The following AFAP1 variants were observed in gnomAD, a reference collection of about 807,000 sequenced individuals.
AFAP1 encodes the protein actin filament-associated protein 1.
In AFAP1, 75 loss-of-function variants were observed where a neutral mutation model predicts 93.9. The ratio of observed to expected loss-of-function variants is 0.80; its 90% CI spans 0.66 to 0.97. The LOEUF is 0.97. Among genes scored for constraint, AFAP1 ranks in the 50% least tolerant of loss-of-function variants. AFAP1 has a pLI of 0.00. For missense variants in AFAP1, 1,201 were observed against 1,050.8 expected, an observed-to-expected ratio of 1.14 and a Z score of -1.98; for synonymous variants, 517 against 430.7, an observed-to-expected ratio of 1.20 and a Z score of -2.48.
intron 10 of AFAP1, chr4:7,798,839 A>T: frequency 2.1e-6 from 2 of 943,486 alleles, no homozygotes; most frequent in Middle Eastern, 5.5e-4. Flanking sequence ...CCCCCACCGC[A>T]CCCCGAGCTT....
At chr4:7,779,674 T>A (rs1577196441) in intron 13 of AFAP1, among the ~76,000 whole-genome samples, 2 of 152,324 alleles carry the variant, frequency 1.3e-5, no homozygotes, top group East Asian at 3.9e-4. Context: ...TCTGGCTCTA[T>A]CAATCATTTA....
chr4:7,895,605 C>G (rs960365202), intron 1 of AFAP1, among the ~76,000 whole-genome samples: 12 of 149,476 alleles, frequency 8.0e-5, no homozygotes, highest in African/African-American at 2.4e-4. Context: ...ACAAGTCACT[C>G]GAGTTTTTTA....
At chr4:7,786,063 G>C in intron 12 of AFAP1, 131 bp downstream of exon 12, 1 of 734,060 alleles carries the variant, frequency 1.4e-6, no homozygotes, top group South Asian at 1.8e-5. Flanking sequence ...AGATGAGATG[G>C]AGTCTCCTTG....
chr4:7,838,660 G>A lies in AFAP1; in HGVS notation c.590C>T (p.Pro197Leu). 1.2e-6 allele frequency: 2 copies of A among 1,614,044 alleles called. No homozygotes were observed. The highest frequency in any genetic ancestry group is 1.7e-6 in the Non-Finnish European group (2 of 1,180,010). Residue 197 changes from proline to leucine, a missense_variant, in exon 6 of 18, where the codon CCA becomes CTA. Coordinates refer to ENST00000420658, the MANE Select transcript of AFAP1 (RefSeq NM_001134647.2). ...SKDQQPQMEL[P>L]LQGCNITYIP... ...GTACGTAATGTTACAGCCTTGGAGTGGCAGTTCCATCTGAGGCTGCTGGTC... is the reference window on the plus strand; with the variant it reads ...GTACGTAATGTTACAGCCTTGGAGTAGCAGTTCCATCTGAGGCTGCTGGTC...
intron 10 of AFAP1, 146 bp from the exon 11 acceptor site, chr4:7,793,972 T>A: frequency 1.1e-6 from 1 of 925,276 alleles, no homozygotes; most frequent in Non-Finnish European, 1.5e-6. Flanking sequence ...GGCTGAGCGA[T>A]GGGATTAACG....
intron 4 of AFAP1, among the ~76,000 whole-genome samples, chr4:7,854,883 C>T (rs138900600): frequency 1.1e-3 from 175 of 152,284 alleles, no homozygotes; most frequent in African/African-American, 2.2e-3. Flanking sequence ...ATGCTTCATC[C>T]GCACTTGAAG....
At chr4:7,881,181 C>T (rs1001897906) in intron 1 of AFAP1, among the ~76,000 whole-genome samples, 7 of 152,146 alleles carry the variant, frequency 4.6e-5, no homozygotes, top group African/African-American at 1.7e-4. Context: ...TGTGCATTTT[C>T]CCAATTTTCC....
At chr4:7,921,563 C>T (rs180814128) in intron 1 of AFAP1, among the ~76,000 whole-genome samples, 122 of 152,218 alleles carry the variant, frequency 8.0e-4, no homozygotes, top group Admixed American at 6.0e-3. Flanking sequence ...TAGAAATAGG[C>T]GCCCTTACAC....
Position 7,806,525 on chromosome 4 carries a change from C to T in AFAP1, c.1054+3089G>A, listed in dbSNP as rs952227652. On this transcript the variant is annotated intron_variant, in intron 9 of 17. Transcript: ENST00000420658. ...CACTGCACTTCCGGCCAGTCCAGCT[C>T]GGCCCTTCATCTCCCTGGAACAGAG... is the stretch of plus-strand genomic sequence containing the variant. Among the ~76,000 whole-genome samples, 13 of 152,314 alleles carry T rather than the reference C, an allele frequency of 8.5e-5. No homozygotes were observed. In the South Asian group the frequency reaches 1.0e-3, roughly 12 times the overall value.
chr4:7,925,836 ACT>A (rs1451338664), intron 1 of AFAP1, among the ~76,000 whole-genome samples: 4 of 109,426 alleles, frequency 3.7e-5, no homozygotes, highest in Admixed American at 2.2e-4. Context: ...TAAGAGCGAA[ACT>A]CTGTCTCAAA....
Position 7,772,815 on chromosome 4 carries a change from C to T in AFAP1, c.2253+5G>A. 1 of 1,613,072 alleles carries T rather than the reference C, an allele frequency of 6.2e-7. No homozygotes were observed. The highest frequency in any genetic ancestry group is 1.7e-4 in the Middle Eastern group (1 of 5,976). On this transcript the variant is annotated splice_donor_5th_base_variant and intron_variant, in intron 16 of 17. Transcript: ENST00000420658. ...GCCTCCGAGGTGAGCCAGAAGGACA[C>T]ACACCTGTGGACTCGATGTCCCTGA...
chr4:7,842,280 C>G (rs937715690), intron 5 of AFAP1, among the ~76,000 whole-genome samples: 1 of 49,760 alleles, frequency 2.0e-5, no homozygotes, highest in African/African-American at 8.0e-5. Context: ...TCCCACAATT[C>G]AAAGATGAAA....
intron 14 of AFAP1, chr4:7,775,633 C>G (rs928719882): frequency 1.3e-5 from 2 of 152,154 alleles, no homozygotes; most frequent in African/African-American, 4.8e-5. Context: ...AATAAATGAA[C>G]AACGGATACA....
intron 1 of AFAP1, among the ~76,000 whole-genome samples, chr4:7,897,599 A>C (rs570205070): frequency 4.6e-5 from 7 of 152,008 alleles, no homozygotes; most frequent in Non-Finnish European, 1.0e-4. Flanking sequence ...ATCTTGGCTC[A>C]ATGCACCTCA....
At chr4:7,894,128 T>C (rs985459313) in intron 1 of AFAP1, among the ~76,000 whole-genome samples, 1 of 152,204 alleles carries the variant, frequency 6.6e-6, no homozygotes, top group Admixed American at 6.5e-5. Context: ...GGGTTAAATC[T>C]GTGCACAGGT....
chr4:7,788,395 G>A (rs982943832), intron 11 of AFAP1, among the ~76,000 whole-genome samples: 2 of 152,262 alleles, frequency 1.3e-5, no homozygotes, highest in African/African-American at 2.4e-5. Context: ...GGCTTCAGCA[G>A]TGCGGGCCGC....
intron 5 of AFAP1, 126 bp from the exon 6 acceptor site, chr4:7,838,829 C>A (rs1334812494): frequency 1.2e-6 from 1 of 865,060 alleles, no homozygotes; most frequent in Non-Finnish European, 1.8e-6. Context: ...TGCAGATGAG[C>A]AGGTTCACAC....
At chr4:7,789,031 A>C (rs1014586789) in intron 11 of AFAP1, 2 of 152,508 alleles carry the variant, frequency 1.3e-5, no homozygotes, top group African/African-American at 4.8e-5. Context: ...CTGGGAGCAC[A>C]GGGATTAGGG....
intron 12 of AFAP1, among the ~76,000 whole-genome samples, 171 bp from the exon 13 acceptor site, chr4:7,781,798 C>A (rs1009527525): frequency 6.6e-6 from 1 of 152,072 alleles, no homozygotes; most frequent in East Asian, 1.9e-4. Flanking sequence ...CCACCACCCC[C>A]CTCCCACACA....
Sources: gnomAD v4.1 joint callset for allele counts (sites outside exome capture counted in the v4.1 genomes callset) on GRCh38, gnomAD v4.1.1 for gene constraint, MANE v1.5 for transcripts, NCBI Gene and HGNC (gene_info 2026-07-23, HGNC 2026-07-21) for gene names.